ZNF512: variants seen among roughly 807,000 people sequenced by gnomAD.
ZNF512 encodes zinc finger protein 512.
ZNF512 carries 25 observed loss-of-function variants against 77.5 expected under a neutral mutation model. The observed-to-expected ratio is 0.32, with a 90% CI of 0.23 to 0.45. ZNF512 has a LOEUF of 0.45. Ranked by LOEUF, ZNF512 falls within the 20% of genes least tolerant of loss-of-function variation. The pLI, the probability that ZNF512 is intolerant of heterozygous loss-of-function variation, is 1.00. For synonymous variants in ZNF512, 246 were observed against 239.9 expected (o/e 1.03, Z -0.24); for missense variants, 483 against 692.6 (o/e 0.70, Z 3.40).
chr2:27,614,626 C>T (rs1672803193), intron 10 of ZNF512, among the ~76,000 whole-genome samples: 2 of 149,884 alleles, frequency 1.3e-5, no homozygotes, highest in Non-Finnish European at 3.0e-5. Flanking sequence ...TGCAGTGAGC[C>T]GAGATCGTGC....
At chr2:27,596,477 CTGGTAAGAAAGAAG>C (rs1384209700) in intron 2 of ZNF512, among the ~76,000 whole-genome samples, 1 of 152,118 alleles carries the variant, frequency 6.6e-6, no homozygotes, top group African/African-American at 2.4e-5. Context: ...CCTGATTTAC[CTGGTAAGAAAGAAG>C]GGAGTTTCTA....
At chr2:27,591,786 GC>G (rs1409147143) in intron 2 of ZNF512, among the ~76,000 whole-genome samples, 3 of 152,066 alleles carry the variant, frequency 2.0e-5, no homozygotes, top group African/African-American at 7.2e-5. Flanking sequence ...CAGTCCCCCT[GC>G]CTTGGCCTCC....
chr2:27,600,078 A>G, intron 5 of ZNF512, 25 bp downstream of exon 5: 1 of 1,609,238 alleles, frequency 6.2e-7, no homozygotes, highest in Non-Finnish European at 8.5e-7. Context: ...GGAAGTTTTG[A>G]GGGATGTAGT....
chr2:27,620,047 T>C (rs1279632742), intron 13 of ZNF512, among the ~76,000 whole-genome samples: 1 of 152,156 alleles, frequency 6.6e-6, no homozygotes, highest in Non-Finnish European at 1.5e-5. Context: ...AGAGCAGCAC[T>C]ATCCAAAAAA....
At chr2:27,620,444 C>G (rs759609377) in intron 13 of ZNF512, among the ~76,000 whole-genome samples, 5 of 152,114 alleles carry the variant, frequency 3.3e-5, no homozygotes, top group Admixed American at 2.0e-4. Flanking sequence ...TGATTGCACC[C>G]TATGATAGTA....
In ZNF512 at chr2:27,583,670, A is replaced by C; in HGVS notation, c.43A>C (p.Thr15Pro). The C allele has an allele frequency of 1.2e-6, 2 of 1,614,206 alleles. No homozygotes were observed. The highest frequency in any genetic ancestry group is 1.7e-6 in the Non-Finnish European group (2 of 1,180,038). The change falls in exon 2 of 14, where the codon ACA (threonine) becomes CCA (proline). Residue 15 changes from threonine to proline, a missense_variant. This residue lies in a region of ZNF512 where 159 missense variants were observed against 167.5 expected (regional missense o/e 0.95). Transcript: ENST00000355467. ...LGAVPATSGP[T>P]TFKQQRSTRI... ...TGTGATTTGCTAGACTTCGGGACCCACAACCTTTAAGCAGCAGAGGAGCAC... is the reference window on the plus strand; with the variant it reads ...TGTGATTTGCTAGACTTCGGGACCCCCAACCTTTAAGCAGCAGAGGAGCAC...
chr2:27,618,848 C>T lies in ZNF512; in HGVS notation c.1395+1277C>T, dbSNP rs764022386. Among the ~76,000 whole-genome samples, 61 of 152,268 alleles carry T rather than the reference C, an allele frequency of 4.0e-4. No homozygotes were observed. The Middle Eastern group carries it at 0.024, about 59-fold the overall frequency. On this transcript the variant is annotated intron_variant, in intron 13 of 13. Transcript: ENST00000355467. ...GTCCTACTACAACAGCTTAGGAATA[C>T]AATTTGCATTCTCTTGGAATATCTC...
chr2:27,614,677 CAAAA>C (rs34716327), intron 10 of ZNF512, among the ~76,000 whole-genome samples: 2 of 100,492 alleles, frequency 2.0e-5, no homozygotes, highest in Admixed American at 9.0e-5. Context: ...GACTCCATCT[CAAAA>C]AAAAAAAAAA....
rs1214574512 is a variant in ZNF512 at position 27,609,314 on chromosome 2, C to T, written c.1131+1275C>T. Reference sequence around the variant, plus strand: ...CTTATTTCTACATTTTTTTTGCCTGCTACAGGCTAAAGTACATGGCTATCT... The same window carrying T: ...CTTATTTCTACATTTTTTTTGCCTGTTACAGGCTAAAGTACATGGCTATCT... On this transcript the variant is annotated intron_variant, in intron 10 of 13. Transcript: ENST00000355467. Among the ~76,000 whole-genome samples the T allele has an allele frequency of 2.0e-5, 3 of 152,038 alleles. No homozygotes were observed. In the East Asian group the frequency reaches 5.8e-4, roughly 29 times the overall value.
In ZNF512 at chr2:27,621,435, A is replaced by T; in HGVS notation, c.1678A>T (p.Thr560Ser). The T allele has an allele frequency of 6.2e-7, 1 of 1,612,170 alleles. No individual in the cohort carries two copies. The highest frequency in any genetic ancestry group is 8.5e-7 in the Non-Finnish European group (1 of 1,179,876). ...AQFQKVKPPK[T>S]NHKRGRK ...GTTCCAGAAAGTAAAGCCCCCAAAGACTAATCATAAACGAGGAAGGAAATA... is the reference window on the plus strand; with the variant it reads ...GTTCCAGAAAGTAAAGCCCCCAAAGTCTAATCATAAACGAGGAAGGAAATA... Residue 560 changes from threonine (T) to serine (S), a missense_variant, in exon 14 of 14, where the codon ACT (threonine) becomes TCT (serine). Thr to Ser is a moderately conservative substitution (Grantham distance 58, BLOSUM62 1). Transcript: ENST00000355467.
intron 10 of ZNF512, among the ~76,000 whole-genome samples, chr2:27,614,649 G>T (rs569786556): frequency 6.7e-6 from 1 of 148,228 alleles, no homozygotes; most frequent in South Asian, 2.1e-4. Context: ...CTGCACTCCA[G>T]CCTGGGCGAC....
chr2:27,599,143 T>C (rs1373035638), intron 3 of ZNF512, among the ~76,000 whole-genome samples: 1 of 152,190 alleles, frequency 6.6e-6, no homozygotes, highest in East Asian at 1.9e-4. Context: ...TGAGTCACCA[T>C]GGCTGGCCCC....
chr2:27,593,384 C>A, intron 2 of ZNF512, among the ~76,000 whole-genome samples: 1 of 140,654 alleles, frequency 7.1e-6, no homozygotes, highest in African/African-American at 2.8e-5. Context: ...AGAGTGAGAC[C>A]TTGTCTCAAA....
intron 10 of ZNF512, among the ~76,000 whole-genome samples, chr2:27,613,398 AGACAGGAGAATAGCTT>A (rs1672746912): frequency 6.6e-6 from 1 of 151,984 alleles, no homozygotes. Flanking sequence ...TGGGAGGCTG[AGACAGGAGAATAGCTT>A]GAACCTGGAA....
At chr2:27,583,560 G>A (rs1478612152) in intron 1 of ZNF512, 98 bp from the exon 2 acceptor site, 2 of 1,544,758 alleles carry the variant, frequency 1.3e-6, no homozygotes, top group Non-Finnish European at 1.7e-6. Flanking sequence ...TGGTTTCCCC[G>A]GGAGAACTTC....
chr2:27,585,347 T>A (rs1671279509), intron 2 of ZNF512, among the ~76,000 whole-genome samples: 1 of 152,260 alleles, frequency 6.6e-6, no homozygotes, highest in South Asian at 2.1e-4. Context: ...AGAGTTTTAA[T>A]GAGCTCTTCT....
chr2:27,597,134 T>G (rs1392590264), intron 2 of ZNF512, among the ~76,000 whole-genome samples: 2 of 152,238 alleles, frequency 1.3e-5, no homozygotes, highest in Middle Eastern at 3.2e-3. Flanking sequence ...CTGTGTTACT[T>G]CCAACTCCCT....
chr2:27,610,568 ATTT>A (rs767964486), intron 10 of ZNF512, among the ~76,000 whole-genome samples: 20 of 18,112 alleles, frequency 1.1e-3, no homozygotes, highest in Non-Finnish European at 1.8e-3. Context: ...ATATATATAT[ATTT>A]TTTTTTTTTT....
rs1352091329 is a variant in ZNF512, at chr2:27,610,567, T to C, written c.1131+2528T>C. Among the ~76,000 whole-genome samples, 90 of 37,804 alleles carry C rather than the reference T, an allele frequency of 2.4e-3. 11 individuals carry two copies. The highest frequency in any genetic ancestry group is 9.3e-3 in the African/African-American group (88 of 9,494). 24.8% of individuals were successfully genotyped at this position (37,804 alleles called of 152,430 possible). A position where few individuals can be genotyped will look rare whatever the true frequency, so the allele number is the denominator to read the frequency against. ...GTGTATATATATATATATATATATA[T>C]ATTTTTTTTTTTTTTTTTTTTTTTT... On this transcript the variant is annotated intron_variant, in intron 10 of 13. Coordinates refer to ENST00000355467, the MANE Select transcript of ZNF512 (RefSeq NM_032434.4).
Sources: allele counts gnomAD v4.1 joint callset (sites outside exome capture counted in the v4.1 genomes callset), GRCh38; gene constraint gnomAD v4.1.1; regional missense constraint gnomAD v4.1.1; transcripts MANE v1.5; gene names NCBI Gene and HGNC (gene_info 2026-07-23, HGNC 2026-07-21).